Variants in FKBP9 observed in about 807,000 individuals in gnomAD.
The protein encoded by FKBP9 is peptidyl-prolyl cis-trans isomerase FKBP9.
FKBP9 carries 27 observed loss-of-function variants against 55.6 expected under a neutral mutation model. The observed-to-expected ratio is 0.49, with a 90% CI of 0.36 to 0.67. The LOEUF (loss-of-function observed/expected upper bound fraction) is 0.67, where lower values mean the gene tolerates loss of function less well. Among genes scored for constraint, FKBP9 ranks in the 30% least tolerant of loss-of-function variants. The pLI is 0.00. For missense variants in FKBP9, 539 were observed against 742.8 expected (o/e 0.73, Z 3.19); for synonymous variants, 267 against 296.5 (o/e 0.90, Z 1.02).
intron 5 of FKBP9, among the ~76,000 whole-genome samples, chr7:32,985,068 AC>A (rs1478081827): frequency 6.6e-6 from 1 of 151,774 alleles, no homozygotes; most frequent in Non-Finnish European, 1.5e-5. Flanking sequence ...ATGATTTAAA[AC>A]CCTGGAAGTA....
intron 5 of FKBP9, among the ~76,000 whole-genome samples, chr7:32,985,403 A>G (rs1425907514): frequency 1.3e-5 from 2 of 150,482 alleles, no homozygotes; most frequent in African/African-American, 4.9e-5. Context: ...CTGGTCACGA[A>G]CTCCTGACCT....
intron 8 of FKBP9, among the ~76,000 whole-genome samples, chr7:33,001,547 T>C (rs1318932221): frequency 6.6e-6 from 1 of 151,528 alleles, no homozygotes; most frequent in African/African-American, 2.4e-5. Context: ...AAAAAAAAAA[T>C]TGTTGTATAT....
chr7:32,996,957 G>T (rs1487188367), intron 7 of FKBP9, among the ~76,000 whole-genome samples: 1 of 150,828 alleles, frequency 6.6e-6, no homozygotes, highest in Non-Finnish European at 1.5e-5. Context: ...ACCGCGCCTG[G>T]CTAATTTTTT....
intron 4 of FKBP9, 81 bp from the exon 5 acceptor site, chr7:32,980,283 A>C (rs1442678771): frequency 2.3e-6 from 3 of 1,292,626 alleles, no homozygotes; most frequent in Non-Finnish European, 1.1e-6. Context: ...AATGAATAAC[A>C]CCAACCCCAA....
At chr7:32,990,559 T>TA (rs546103107) in intron 6 of FKBP9, among the ~76,000 whole-genome samples, 5 of 151,604 alleles carry the variant, frequency 3.3e-5, no homozygotes, top group Non-Finnish European at 5.9e-5. Flanking sequence ...TGTATAGGTT[T>TA]AAAAAAAAAT....
chr7:32,964,256 T>C (rs574976432), intron 1 of FKBP9, among the ~76,000 whole-genome samples: 3 of 152,356 alleles, frequency 2.0e-5, no homozygotes, highest in African/African-American at 4.8e-5. Flanking sequence ...TGAAGACTTA[T>C]TAGCGTGGCT....
intron 1 of FKBP9, among the ~76,000 whole-genome samples, chr7:32,960,986 T>C (rs1164078307): frequency 6.6e-6 from 1 of 152,234 alleles, no homozygotes; most frequent in Non-Finnish European, 1.5e-5. Context: ...AAAGTTCAAA[T>C]GATTTGCCCA....
At chr7:32,966,122 A>G (rs6462439) in intron 1 of FKBP9, among the ~76,000 whole-genome samples, 100,328 of 132,414 alleles carry the variant, frequency 0.76, 38,218 homozygotes, top group South Asian at 0.83. Flanking sequence ...GAACATGAGA[A>G]GCAGAGGTTG....
intron 8 of FKBP9, 37 bp downstream of exon 8, chr7:33,000,297 C>A: frequency 6.5e-7 from 1 of 1,541,910 alleles, no homozygotes; most frequent in Non-Finnish European, 8.9e-7. Context: ...GTTGGGGGCC[C>A]GCTTACTATC....
In FKBP9 at chr7:32,975,307, G is replaced by T. The variant is rs1455204835; in HGVS notation, c.493G>T (p.Val165Leu). The T allele has an allele frequency of 3.7e-6, 6 of 1,613,864 alleles. No individual in the cohort carries two copies. Among genetic ancestry groups the T allele is most frequent in the Non-Finnish European group, 5.1e-6 (6 of 1,179,862 alleles). Residue 165 changes from valine (V) to leucine (L), a missense_variant, in exon 3 of 10, where the codon GTG (valine) becomes TTG (leucine). Physicochemically the swap from Val to Leu is conservative, Grantham distance 32. Transcript: ENST00000242209. ...CCCGAGTTGCCCTCGGACCATCCAG[G>T]TGTCTGATTTTGTGAGGTACCACTA... ...KPPSCPRTIQ[V>L]SDFVRYHYNG...
chr7:32,972,309 C>T (rs1784267696), intron 1 of FKBP9, among the ~76,000 whole-genome samples: 1 of 151,990 alleles, frequency 6.6e-6, no homozygotes, highest in Non-Finnish European at 1.5e-5. Flanking sequence ...GCTTTCTGTT[C>T]ACTGACCTTG....
Position 32,976,007 on chromosome 7 carries a change from A to T in FKBP9, c.558-347A>T, listed in dbSNP as rs141075057. 0.011 allele frequency among the ~76,000 whole-genome samples: 1,641 copies of T among 152,242 alleles called. 104 individuals carry two copies. The East Asian group carries it at 0.17, about 16-fold the overall frequency. On this transcript the variant is annotated intron_variant, in intron 3 of 9. Transcript: ENST00000242209. ...TTTGGTTCCTTTTTATAGTTTTCCC[A>T]TGGAAGCAAGAGGGAAAAGATGAAT...
rs1323725996 is a variant in FKBP9 at position 32,965,847 on chromosome 7, G to GTACACATATATATATA, written c.221+8054_221+8055insACACATATATATATAT. 8.0e-4 allele frequency among the ~76,000 whole-genome samples: 28 copies of GTACACATATATATATA among 34,906 alleles called. 1 individual carries two copies. The highest frequency in any genetic ancestry group is 6.6e-3 in the South Asian group (5 of 760). 22.9% of individuals were successfully genotyped at this position (34,906 alleles called of 152,430 possible). On this transcript the variant is annotated intron_variant, in intron 1 of 9. Coordinates refer to ENST00000242209, the MANE Select transcript of FKBP9 (RefSeq NM_007270.5). ...TATATATATATATATATATATATGT[G>GTACACATATATATATA]TGTACAGATATATATATATACATAC...
At position 33,006,890 on chromosome 7, in the gene FKBP9, G is replaced by A. The variant is rs537900870; in HGVS notation, c.*1539G>A. 9 of 186,260 alleles carry A rather than the reference G, an allele frequency of 4.8e-5. No homozygotes were observed. The South Asian group carries it at 1.8e-3, about 36-fold the overall frequency. 11.5% of individuals were successfully genotyped at this position (186,260 alleles called of 1,614,324 possible). ...GCACTCATTCCATGGAATAAATGTT[G>A]GAAAGCTGATCTTTTCTGATATAAA... On this transcript the variant is annotated 3_prime_UTR_variant, in exon 10 of 10. Transcript: ENST00000242209.
intron 6 of FKBP9, among the ~76,000 whole-genome samples, chr7:32,989,751 G>A (rs1238455264): frequency 1.3e-5 from 2 of 152,080 alleles, no homozygotes; most frequent in African/African-American, 2.4e-5. Context: ...AATCTGGTAG[G>A]CAGAATATTC....
At chr7:32,989,153 G>C (rs1441543683) in intron 6 of FKBP9, 2 of 152,072 alleles carry the variant, frequency 1.3e-5, no homozygotes, top group East Asian at 1.9e-4. Flanking sequence ...CTGAACCATT[G>C]AAAGTAAGTG....
Position 33,005,704 on chromosome 7 carries a change from GA to G in FKBP9, c.*357del. Reference sequence around the variant, plus strand: ...TATAATCATCTTGGAGGAACCATAAGAAAAGGTGTCCAGGGTATCTATATAA... The same window carrying G: ...TATAATCATCTTGGAGGAACCATAAGAAAGGTGTCCAGGGTATCTATATAA... On this transcript the variant is annotated 3_prime_UTR_variant, in exon 10 of 10. Coordinates refer to ENST00000242209, the MANE Select transcript of FKBP9 (RefSeq NM_007270.5). 1 of 254,450 alleles carries G rather than the reference GA, an allele frequency of 3.9e-6. No individual in the cohort carries two copies. Among genetic ancestry groups the G allele is most frequent in the African/African-American group, 2.2e-5 (1 of 46,010 alleles). The allele number at this position is 254,450 out of a possible 1,614,324, so 15.8% of individuals were successfully genotyped here. A position where few individuals can be genotyped will look rare whatever the true frequency, so the allele number is the denominator to read the frequency against.
intron 6 of FKBP9, 88 bp downstream of exon 6, chr7:32,988,740 C>T: frequency 1.5e-6 from 2 of 1,311,958 alleles, no homozygotes; most frequent in South Asian, 2.8e-5. Flanking sequence ...TTTCTTCTTT[C>T]TTTTTGAGAT....
intron 1 of FKBP9, chr7:32,963,642 G>A: frequency 2.7e-6 from 4 of 1,461,208 alleles, no homozygotes; most frequent in Non-Finnish European, 3.6e-6. Flanking sequence ...AAGCAGAAAG[G>A]AGTGGGAATT....
Sources: allele counts gnomAD v4.1 joint callset (sites outside exome capture counted in the v4.1 genomes callset), GRCh38; gene constraint gnomAD v4.1.1; transcripts MANE v1.5; gene names NCBI Gene and HGNC (gene_info 2026-07-23, HGNC 2026-07-21).